Variants in PLXDC2 observed in about 807,000 individuals in gnomAD.
PLXDC2 encodes the protein plexin domain-containing protein 2.
PLXDC2 carries 40 observed loss-of-function variants against 68.9 expected under a neutral mutation model. The ratio of observed to expected loss-of-function variants is 0.58; its 90% CI spans 0.45 to 0.76. The LOEUF (loss-of-function observed/expected upper bound fraction) is 0.76. Ranked by LOEUF, PLXDC2 falls within the 30% of genes least tolerant of loss-of-function variation. The pLI, the probability that PLXDC2 is intolerant of heterozygous loss-of-function variation, is 0.00. For missense variants in PLXDC2, 644 were observed against 661.9 expected (o/e 0.97, Z 0.30); for synonymous variants, 243 against 234.2 (o/e 1.04, Z -0.34).
At chr10:19,960,231 G>C (rs1834135170) in intron 1 of PLXDC2, among the ~76,000 whole-genome samples, 1 of 150,398 alleles carries the variant, frequency 6.6e-6, no homozygotes, top group South Asian at 2.1e-4. Flanking sequence ...CAGGGTGGTA[G>C]TGCACACGTG....
chr10:20,161,330 T>TA (rs35416320), intron 6 of PLXDC2, among the ~76,000 whole-genome samples: 5,149 of 149,138 alleles, frequency 0.035, 106 homozygotes, highest in South Asian at 0.099. Flanking sequence ...AAATAAAAAT[T>TA]AAAAAAAAAA....
intron 12 of PLXDC2, among the ~76,000 whole-genome samples, chr10:20,242,427 C>A (rs777951735): frequency 3.3e-5 from 5 of 152,170 alleles, no homozygotes; most frequent in Non-Finnish European, 7.3e-5. Context: ...GTGGAATTCT[C>A]ACATCAACCC....
chr10:20,109,089 A>G (rs908142987), intron 4 of PLXDC2, among the ~76,000 whole-genome samples: 1 of 152,220 alleles, frequency 6.6e-6, no homozygotes, highest in African/African-American at 2.4e-5. Context: ...AATCCCATTC[A>G]TTGTTATTTG....
Position 19,816,586 on chromosome 10 carries a change from A to G in PLXDC2, c.-494A>G, listed in dbSNP as rs1296763387. The stretch of plus-strand genomic sequence containing the variant: ...ATCAACCTCCTTCCCGCAAACCTAA[A>G]CCTCCTGCCGGGGCCATCCCTAGAC... On this transcript the variant is annotated 5_prime_UTR_variant, in exon 1 of 14. Coordinates refer to ENST00000377252, the MANE Select transcript of PLXDC2 (RefSeq NM_032812.9). 6.5e-6 allele frequency: 1 copy of G among 154,658 alleles called. No individual in the cohort carries two copies. The highest frequency in any genetic ancestry group is 2.5e-5 in the African/African-American group (1 of 40,574). 9.6% of individuals were successfully genotyped at this position (154,658 alleles called of 1,614,324 possible).
Position 20,019,819 on chromosome 10 carries a change from T to G in PLXDC2, c.324+17833T>G, listed in dbSNP as rs183647211. Reference sequence around the variant, plus strand: ...TCATCTAGTCTATGGTATTTTGCTGTGGCCACTAAGCTGCCATGGCAGCAC... The same window carrying G: ...TCATCTAGTCTATGGTATTTTGCTGGGGCCACTAAGCTGCCATGGCAGCAC... On this transcript the variant is annotated intron_variant, in intron 2 of 13. Coordinates refer to ENST00000377252, the MANE Select transcript of PLXDC2 (RefSeq NM_032812.9). Among the ~76,000 whole-genome samples, 100 of 152,252 alleles carry G rather than the reference T, an allele frequency of 6.6e-4. 2 individuals carry two copies. In the East Asian group the frequency reaches 0.015, roughly 23 times the overall value.
chr10:19,949,096 C>T (rs1480238490), intron 1 of PLXDC2, among the ~76,000 whole-genome samples: 1 of 119,656 alleles, frequency 8.4e-6, no homozygotes, highest in East Asian at 2.5e-4. Context: ...CACTGCACTC[C>T]AGTCTGGCAA....
intron 1 of PLXDC2, among the ~76,000 whole-genome samples, chr10:19,942,888 C>T (rs755855514): frequency 7.2e-5 from 11 of 152,076 alleles, no homozygotes; most frequent in Admixed American, 6.6e-5. Flanking sequence ...CCTTAGTTGA[C>T]GAAATGTTCA....
At chr10:20,070,316 T>A (rs1014115494) in intron 4 of PLXDC2, among the ~76,000 whole-genome samples, 1 of 152,182 alleles carries the variant, frequency 6.6e-6, no homozygotes, top group East Asian at 1.9e-4. Context: ...CAACTATTTG[T>A]GTGAAAAATA....
chr10:20,159,076 A>G (rs995938279), intron 6 of PLXDC2, among the ~76,000 whole-genome samples: 8 of 152,180 alleles, frequency 5.3e-5, no homozygotes, highest in Admixed American at 2.0e-4. Flanking sequence ...CATGAGCTCT[A>G]CAAAATTTTA....
chr10:20,093,198 C>T (rs968027102), intron 4 of PLXDC2, among the ~76,000 whole-genome samples: 1 of 152,044 alleles, frequency 6.6e-6, no homozygotes, highest in Non-Finnish European at 1.5e-5. Context: ...ATTCCATCAT[C>T]CCTTTATGGA....
intron 4 of PLXDC2, among the ~76,000 whole-genome samples, chr10:20,079,769 A>G (rs1394651583): frequency 6.6e-6 from 1 of 152,050 alleles, no homozygotes; most frequent in Non-Finnish European, 1.5e-5. Context: ...AACATCACAC[A>G]ATGGGGCCCG....
At chr10:19,973,729 C>T (rs530477249) in intron 1 of PLXDC2, among the ~76,000 whole-genome samples, 54 of 152,102 alleles carry the variant, frequency 3.6e-4, no homozygotes, top group Non-Finnish European at 6.3e-4. Context: ...AATGGTGGCC[C>T]ACCAGCCTGA....
chr10:19,991,732 T>A (rs1834754107), intron 1 of PLXDC2, among the ~76,000 whole-genome samples: 1 of 152,162 alleles, frequency 6.6e-6, no homozygotes, highest in Admixed American at 6.5e-5. Context: ...CTATCAGACA[T>A]CTGGCAGCCT....
chr10:19,937,729 A>G (rs1010546092), intron 1 of PLXDC2, among the ~76,000 whole-genome samples: 5 of 151,718 alleles, frequency 3.3e-5, no homozygotes, highest in African/African-American at 1.2e-4. Flanking sequence ...TTCTTGCCAC[A>G]CTCTGTGGCA....
intron 4 of PLXDC2, among the ~76,000 whole-genome samples, chr10:20,072,464 AAG>A (rs1207944825): frequency 6.7e-6 from 1 of 149,060 alleles, no homozygotes; most frequent in African/African-American, 2.5e-5. Flanking sequence ...AAAAAGAAGA[AAG>A]AAAGAAAGAA....
chr10:20,207,877 T>G (rs960765053), intron 9 of PLXDC2, among the ~76,000 whole-genome samples: 2 of 152,146 alleles, frequency 1.3e-5, no homozygotes, highest in Non-Finnish European at 2.9e-5. Context: ...AGAGATTGTC[T>G]TCTGTGTTGA....
chr10:20,010,189 G>C (rs2131643596), intron 2 of PLXDC2, among the ~76,000 whole-genome samples: 1 of 152,282 alleles, frequency 6.6e-6, no homozygotes, highest in African/African-American at 2.4e-5. Flanking sequence ...TCTAATGTGG[G>C]TTGAGAATCG....
intron 1 of PLXDC2, among the ~76,000 whole-genome samples, chr10:19,841,258 T>C (rs575368226): frequency 6.6e-6 from 1 of 152,322 alleles, no homozygotes; most frequent in South Asian, 2.1e-4. Flanking sequence ...CACATTATGA[T>C]TAAAAAATCA....
intron 1 of PLXDC2, among the ~76,000 whole-genome samples, chr10:19,820,990 G>T (rs576546961): frequency 3.3e-4 from 50 of 152,258 alleles, no homozygotes; most frequent in Middle Eastern, 6.8e-3. Context: ...TGAGGCAGGA[G>T]AATCACTTGA....
Sources: gnomAD v4.1 joint callset for allele counts (sites outside exome capture counted in the v4.1 genomes callset) on GRCh38, gnomAD v4.1.1 for gene constraint, MANE v1.5 for transcripts, NCBI Gene and HGNC (gene_info 2026-07-23, HGNC 2026-07-21) for gene names.